Variants in CNTN5 observed in about 807,000 individuals in gnomAD.
CNTN5 encodes the protein contactin 5, also known as contactin-5.
A neutral mutation model predicts 129.1 loss-of-function variants in CNTN5; 77 were observed. That is an observed-to-expected ratio of 0.60 (90% CI 0.50 to 0.72). The LOEUF is 0.72. Among genes scored for constraint, CNTN5 ranks in the 30% least tolerant of loss-of-function variants. CNTN5 has a pLI of 0.00. For synonymous variants in CNTN5, 509 were observed against 465.6 expected, an observed-to-expected ratio of 1.09 and a Z score of -1.20; for missense variants, 1,478 against 1,328.8, an observed-to-expected ratio of 1.11 and a Z score of -1.75.
chr11:99,787,642 G>C (rs918912623), intron 3 of CNTN5, among the ~76,000 whole-genome samples: 1 of 151,922 alleles, frequency 6.6e-6, no homozygotes, highest in Non-Finnish European at 1.5e-5. Flanking sequence ...TTTACAATTG[G>C]ATATTTCCAA....
intron 15 of CNTN5, among the ~76,000 whole-genome samples, chr11:100,215,499 A>C (rs1434526367): frequency 1.3e-5 from 2 of 152,212 alleles, no homozygotes; most frequent in South Asian, 4.1e-4. Context: ...AAGCACAGCA[A>C]CTAATGCAGT....
chr11:99,967,593 A>G (rs192916533), intron 8 of CNTN5, among the ~76,000 whole-genome samples: 1 of 152,316 alleles, frequency 6.6e-6, no homozygotes, highest in Admixed American at 6.5e-5. Flanking sequence ...AGGATTTATG[A>G]GTAATACAGA....
chr11:99,705,028 A>C (rs1351879646), intron 3 of CNTN5, among the ~76,000 whole-genome samples: 2 of 151,444 alleles, frequency 1.3e-5, no homozygotes, highest in African/African-American at 4.8e-5. Flanking sequence ...CCTGTGGTTT[A>C]TTTTGGAAAA....
intron 1 of CNTN5, among the ~76,000 whole-genome samples, chr11:99,253,785 GTA>G (rs1334224885): frequency 4.6e-5 from 7 of 151,116 alleles, no homozygotes; most frequent in African/African-American, 1.7e-4. Context: ...GCAGTTGATT[GTA>G]TGTGTTTACT....
chr11:99,914,574 TA>T (rs1225084642), intron 6 of CNTN5, among the ~76,000 whole-genome samples: 1 of 152,152 alleles, frequency 6.6e-6, no homozygotes, highest in Non-Finnish European at 1.5e-5. Flanking sequence ...TTTTTACTGC[TA>T]CTGAAGTTAG....
At chr11:100,335,740 C>G (rs1427880711) in intron 21 of CNTN5, among the ~76,000 whole-genome samples, 9 of 151,238 alleles carry the variant, frequency 6.0e-5, no homozygotes, top group African/African-American at 2.2e-4. Context: ...TACACTCCAG[C>G]CTGGGCAATA....
chr11:100,299,133 T>G, intron 19 of CNTN5, 29 bp from the exon 20 acceptor site: 1 of 1,364,538 alleles, frequency 7.3e-7, no homozygotes, highest in Non-Finnish European at 1.0e-6. Flanking sequence ...ATCATTTTGC[T>G]GATAATTAAT....
intron 6 of CNTN5, among the ~76,000 whole-genome samples, chr11:99,875,679 A>G (rs954076931): frequency 2.0e-5 from 3 of 152,078 alleles, no homozygotes; most frequent in African/African-American, 7.2e-5. Flanking sequence ...AACACTCGAC[A>G]CATTTGTGGT....
intron 3 of CNTN5, among the ~76,000 whole-genome samples, chr11:99,794,200 TTCG>T (rs1219350564): frequency 6.6e-6 from 1 of 151,868 alleles, no homozygotes; most frequent in Non-Finnish European, 1.5e-5. Context: ...TTTTTTAATC[TTCG>T]TAGGCTTACA....
intron 1 of CNTN5, among the ~76,000 whole-genome samples, chr11:99,262,256 TACTC>T: frequency 6.6e-6 from 1 of 152,184 alleles, no homozygotes; most frequent in Non-Finnish European, 1.5e-5. Context: ...AAACAGACCT[TACTC>T]AGAGAGAATT....
intron 21 of CNTN5, among the ~76,000 whole-genome samples, chr11:100,321,645 C>T (rs140208102): frequency 1.3e-5 from 2 of 152,138 alleles, no homozygotes; most frequent in African/African-American, 4.8e-5. Context: ...AAGGAAAAGC[C>T]TTCGGCTTTT....
At chr11:100,246,085 G>A (rs935988080) in intron 16 of CNTN5, among the ~76,000 whole-genome samples, 1 of 151,594 alleles carries the variant, frequency 6.6e-6, no homozygotes, top group African/African-American at 2.4e-5. Context: ...TTTCTATTTT[G>A]CTAAAATCAA....
rs567193597 is a variant in CNTN5, at chr11:99,521,977, G to T, written c.-70-34168G>T. Among the ~76,000 whole-genome samples, 118 of 152,210 alleles carry T rather than the reference G, an allele frequency of 7.8e-4. 1 individual carries two copies. The highest frequency in any genetic ancestry group is 2.8e-3 in the African/African-American group (117 of 41,538). On this transcript the variant is annotated intron_variant, in intron 2 of 24. Coordinates refer to ENST00000524871, the MANE Select transcript of CNTN5 (RefSeq NM_014361.4). The stretch of plus-strand genomic sequence containing the variant: ...AGTTTCCTTCTGCAAGTAGTCTTGT[G>T]ACTAGCAGAGATTTAAAGCTTGGGT...
At chr11:100,083,091 G>A (rs11222699) in intron 13 of CNTN5, among the ~76,000 whole-genome samples, 38,036 of 151,830 alleles carry the variant, frequency 0.25, 4,808 homozygotes, top group Admixed American at 0.27. Flanking sequence ...TGAGGCAGGC[G>A]GATCACCTGA....
intron 15 of CNTN5, among the ~76,000 whole-genome samples, chr11:100,194,596 A>C (rs986699106): frequency 2.0e-5 from 3 of 150,736 alleles, no homozygotes; most frequent in African/African-American, 4.9e-5. Flanking sequence ...AGGTTATGGG[A>C]TACAAGGAAA....
intron 1 of CNTN5, among the ~76,000 whole-genome samples, chr11:99,313,580 A>T (rs1865208387): frequency 6.6e-6 from 1 of 152,096 alleles, no homozygotes; most frequent in Admixed American, 6.6e-5. Context: ...AATTTAATTT[A>T]CCACAGGAAA....
chr11:100,319,079 G>T (rs1951628251), intron 21 of CNTN5, among the ~76,000 whole-genome samples: 1 of 151,678 alleles, frequency 6.6e-6, no homozygotes. Context: ...ACCCAGTTTG[G>T]GTCTCCTATA....
At chr11:100,297,785 T>G (rs935738536) in intron 19 of CNTN5, 90 bp downstream of exon 19, 1 of 998,574 alleles carries the variant, frequency 1.0e-6, no homozygotes, top group Admixed American at 2.2e-5. Context: ...GCAGTCCACT[T>G]GATTCATTTA....
intron 3 of CNTN5, among the ~76,000 whole-genome samples, chr11:99,792,512 T>C (rs1047370289): frequency 1.3e-5 from 2 of 150,470 alleles, no homozygotes. Flanking sequence ...GAATCTATGA[T>C]TATTGAGGAT....
Sources: allele counts gnomAD v4.1 joint callset (sites outside exome capture counted in the v4.1 genomes callset), GRCh38; gene constraint gnomAD v4.1.1; transcripts MANE v1.5; gene names NCBI Gene and HGNC (gene_info 2026-07-23, HGNC 2026-07-21).